SORCS1: variants seen among roughly 807,000 people sequenced by gnomAD.
SORCS1 encodes VPS10 domain-containing receptor SorCS1.
Under a neutral mutation model 146.1 loss-of-function variants are expected in SORCS1, and 60 were observed. The ratio of observed to expected loss-of-function variants is 0.41; its 90% confidence interval spans 0.33 to 0.51. SORCS1 has a LOEUF of 0.51. SORCS1 is among the 20% of genes least tolerant of loss of function. The probability of loss-of-function intolerance (pLI) is 0.21; values close to 1 mark genes in which losing one functional copy is unlikely to be tolerated. For missense variants in SORCS1, 1,352 were observed against 1,487.6 expected, an observed-to-expected ratio of 0.91 and a Z score of 1.50; for synonymous variants, 637 against 584.0, an observed-to-expected ratio of 1.09 and a Z score of -1.31.
chr10:106,740,338 A>G (rs1028753075), intron 5 of SORCS1, among the ~76,000 whole-genome samples: 1 of 152,188 alleles, frequency 6.6e-6, no homozygotes, highest in African/African-American at 2.4e-5. Context: ...TATCCTTAAT[A>G]TTTAACACCA....
chr10:106,859,374 C>T (rs992986374), intron 2 of SORCS1, among the ~76,000 whole-genome samples: 1 of 152,140 alleles, frequency 6.6e-6, no homozygotes, highest in Admixed American at 6.6e-5. Flanking sequence ...TTCATTCATA[C>T]ACTTCAAGGC....
chr10:106,620,292 C>G (rs911616829), intron 20 of SORCS1, 136 bp downstream of exon 20: 7 of 1,107,072 alleles, frequency 6.3e-6, no homozygotes, highest in Non-Finnish European at 8.8e-6. Context: ...TACTTGAGCA[C>G]CAAGGGAGCT....
intron 3 of SORCS1, among the ~76,000 whole-genome samples, chr10:106,799,488 G>A (rs821999): frequency 0.48 from 72,514 of 152,004 alleles, 17,895 homozygotes; most frequent in African/African-American, 0.61. Context: ...TCATCTGACA[G>A]AGGGCTAATA....
Position 106,688,208 on chromosome 10 carries a change from G to C in SORCS1, c.1544C>G (p.Pro515Arg), listed in dbSNP as rs1042010952. The C allele has an allele frequency of 1.2e-6, 2 of 1,613,688 alleles. No homozygotes were observed. The highest frequency in any genetic ancestry group is 1.7e-6 in the Non-Finnish European group (2 of 1,179,860). The change falls in exon 10 of 26, where the codon CCC (proline) becomes CGC (arginine). Residue 515 changes from proline to arginine, a missense_variant. By Grantham distance (103) the Pro-to-Arg change is moderately radical. This residue lies in a region of SORCS1 where 648 missense variants were observed against 793.8 expected (regional missense o/e 0.82). Transcript: ENST00000263054. ...AAGACTCACCAGCAAGCAGTGCACG[G>C]GGTCCCCCCTTAGATCCGTGTCCGG... ...QAPDTDLRGD[P>R]VHCLLPYCSL... is the part of the protein sequence containing the mutation.
At chr10:106,690,059 T>C (rs921483755) in intron 9 of SORCS1, among the ~76,000 whole-genome samples, 4 of 152,196 alleles carry the variant, frequency 2.6e-5, no homozygotes, top group Non-Finnish European at 4.4e-5. Context: ...CAACTTCTTG[T>C]GCATTGTCTA....
At chr10:106,708,699 A>C (rs1854718676) in intron 7 of SORCS1, among the ~76,000 whole-genome samples, 1 of 152,172 alleles carries the variant, frequency 6.6e-6, no homozygotes, top group Non-Finnish European at 1.5e-5. Context: ...CAGTTGGTGC[A>C]TGACAATAAA....
chr10:107,154,159 C>T (rs980548508), intron 1 of SORCS1, among the ~76,000 whole-genome samples: 2 of 151,706 alleles, frequency 1.3e-5, no homozygotes, highest in African/African-American at 2.4e-5. Flanking sequence ...CTACAGACAC[C>T]CACTTGGCTA....
intron 3 of SORCS1, among the ~76,000 whole-genome samples, chr10:106,808,209 G>T (rs1244289128): frequency 6.6e-6 from 1 of 152,026 alleles, no homozygotes; most frequent in Non-Finnish European, 1.5e-5. Context: ...GTAGAGACAG[G>T]GTTTTTCCAT....
chr10:107,014,797 C>T (rs1450734159), intron 1 of SORCS1, among the ~76,000 whole-genome samples: 1 of 152,142 alleles, frequency 6.6e-6, no homozygotes, highest in African/African-American at 2.4e-5. Context: ...TTAAATTTAC[C>T]TTTTCACCAC....
intron 5 of SORCS1, 28 bp downstream of exon 5, chr10:106,761,560 A>G (rs1460488509): frequency 1.3e-6 from 2 of 1,594,376 alleles, no homozygotes; most frequent in Admixed American, 3.3e-5. Context: ...TCATATCTTA[A>G]TGTGCTACAA....
Position 106,618,388 on chromosome 10 carries a change from C to T in SORCS1, c.2797-116G>A, listed in dbSNP as rs750402763. On this transcript the variant is annotated intron_variant, in intron 20 of 25. Transcript: ENST00000263054. ...CCCAGCAGAGGCTCTTCCTGATGTA[C>T]CACAATGGCACTGAGTCCCTCTATG... 417 of 1,321,894 alleles carry T rather than the reference C, an allele frequency of 3.2e-4. 2 individuals carry two copies. The highest frequency in any genetic ancestry group is 1.1e-3 in the Middle Eastern group (6 of 5,274). The allele number at this position is 1,321,894 out of a possible 1,614,324, so 81.9% of individuals were successfully genotyped here. A position where few individuals can be genotyped will look rare whatever the true frequency, so the allele number is the denominator to read the frequency against.
intron 3 of SORCS1, among the ~76,000 whole-genome samples, chr10:106,797,119 A>T (rs1165385139): frequency 6.6e-6 from 1 of 152,142 alleles, no homozygotes; most frequent in Non-Finnish European, 1.5e-5. Context: ...AAAGATAATA[A>T]TAATAAAAAT....
chr10:106,687,700 A>G (rs1029642374), intron 10 of SORCS1, among the ~76,000 whole-genome samples: 1 of 152,206 alleles, frequency 6.6e-6, no homozygotes, highest in African/African-American at 2.4e-5. Context: ...AAGAATACCA[A>G]TAAGGGTATA....
intron 1 of SORCS1, among the ~76,000 whole-genome samples, chr10:107,074,785 C>T (rs1962741700): frequency 1.3e-5 from 2 of 152,048 alleles, no homozygotes; most frequent in African/African-American, 2.4e-5. Flanking sequence ...TTTGCATTTC[C>T]CTAATGAAAT....
intron 3 of SORCS1, among the ~76,000 whole-genome samples, chr10:106,820,593 C>T (rs1589469699): frequency 6.6e-6 from 1 of 152,170 alleles, no homozygotes; most frequent in Non-Finnish European, 1.5e-5. Flanking sequence ...AAGATTCATC[C>T]ACATTGACTT....
chr10:106,729,348 G>C (rs779008182), intron 6 of SORCS1, among the ~76,000 whole-genome samples: 88 of 152,070 alleles, frequency 5.8e-4, no homozygotes, highest in Non-Finnish European at 1.1e-3. Flanking sequence ...TAACCACCCG[G>C]AGTTGATAAG....
the SORCS1 span, among the ~76,000 whole-genome samples, chr10:107,179,395 C>T: frequency 6.6e-6 from 1 of 152,170 alleles, no homozygotes; most frequent in South Asian, 2.1e-4. Context: ...CACATACTCT[C>T]CTTAATTCCT....
chr10:106,927,558 G>T (rs1953126206), intron 2 of SORCS1, among the ~76,000 whole-genome samples: 1 of 152,128 alleles, frequency 6.6e-6, no homozygotes, highest in African/African-American at 2.4e-5. Flanking sequence ...GCTAGCTCGG[G>T]CAGCCTGTTT....
intron 2 of SORCS1, among the ~76,000 whole-genome samples, chr10:106,874,348 A>C (rs1475831340): frequency 1.3e-5 from 2 of 152,210 alleles, no homozygotes; most frequent in African/African-American, 4.8e-5. Flanking sequence ...ATATGCAGAA[A>C]ACAAATTATT....
Sources: allele counts gnomAD v4.1 joint callset (sites outside exome capture counted in the v4.1 genomes callset), GRCh38; gene constraint gnomAD v4.1.1; regional missense constraint gnomAD v4.1.1; transcripts MANE v1.5; gene names NCBI Gene and HGNC (gene_info 2026-07-23, HGNC 2026-07-21).